Variants in DGKH observed in about 807,000 individuals in gnomAD.
DGKH encodes the protein DAG kinase eta.
In DGKH, 90 loss-of-function variants were observed where a neutral mutation model predicts 159.3. That is an observed-to-expected ratio of 0.57 (90% CI 0.48 to 0.67). The LOEUF is 0.67. DGKH is among the 30% of genes least tolerant of loss of function. The pLI is 0.00. For synonymous variants in DGKH, 536 were observed against 553.8 expected, an observed-to-expected ratio of 0.97 and a Z score of 0.45; for missense variants, 1,181 against 1,506.1, an observed-to-expected ratio of 0.78 and a Z score of 3.57.
intron 14 of DGKH, 143 bp from the exon 15 acceptor site, chr13:42,188,893 C>A: frequency 1.1e-6 from 1 of 906,254 alleles, no homozygotes; most frequent in Non-Finnish European, 1.6e-6. Context: ...ACCAAAACAT[C>A]TACAAAATTA....
intron 1 of DGKH, among the ~76,000 whole-genome samples, chr13:42,118,074 G>A (rs371026985): frequency 6.6e-6 from 1 of 152,080 alleles, no homozygotes; most frequent in Non-Finnish European, 1.5e-5. Context: ...AAAATTAGCC[G>A]GGCGTGTTGG....
At chr13:42,135,565 T>C (rs1322406573) in intron 3 of DGKH, among the ~76,000 whole-genome samples, 1 of 151,596 alleles carries the variant, frequency 6.6e-6, no homozygotes, top group African/African-American at 2.4e-5. Flanking sequence ...AGTTCTACCA[T>C]GGCATTTTCT....
chr13:42,142,935 T>C (rs1234756986), intron 3 of DGKH, among the ~76,000 whole-genome samples: 1 of 152,168 alleles, frequency 6.6e-6, no homozygotes, highest in Non-Finnish European at 1.5e-5. Context: ...AACACTGTGT[T>C]GAATAGGAGT....
chr13:42,203,143 T>C (rs1344248263), intron 20 of DGKH, among the ~76,000 whole-genome samples: 1 of 152,216 alleles, frequency 6.6e-6, no homozygotes, highest in Non-Finnish European at 1.5e-5. Flanking sequence ...TCTGTATTTG[T>C]TTAATTCATT....
chr13:42,069,234 T>C, intron 1 of DGKH: 2 of 1,153,228 alleles, frequency 1.7e-6, no homozygotes, highest in Non-Finnish European at 2.5e-6. Context: ...GTTTTCCTTC[T>C]TAACTTGTTC....
chr13:42,223,213 C>G (rs570427022), intron 29 of DGKH, among the ~76,000 whole-genome samples: 53 of 152,250 alleles, frequency 3.5e-4, no homozygotes, highest in Admixed American at 1.2e-3. Flanking sequence ...TTGTAGCTGT[C>G]AGCAGCGGCA....
intron 1 of DGKH, among the ~76,000 whole-genome samples, chr13:42,061,523 G>T (rs973359791): frequency 1.1e-4 from 17 of 152,164 alleles, no homozygotes; most frequent in Non-Finnish European, 2.9e-5. Context: ...TTTGCTGCAT[G>T]AATCTCTCCT....
Position 42,159,263 on chromosome 13 carries a change from T to TTTTTTTTTTTTTTTTTTTTTTTAA in DGKH, c.623-3_623-2insTTTTTTTTTTTTTTTTTTTTTTAA. The TTTTTTTTTTTTTTTTTTTTTTTAA allele has an allele frequency of 8.0e-7, 1 of 1,249,720 alleles. No individual in the cohort carries two copies. Among genetic ancestry groups the TTTTTTTTTTTTTTTTTTTTTTTAA allele is most frequent in the Non-Finnish European group, 1.1e-6 (1 of 894,574 alleles). The allele number at this position is 1,249,720 out of a possible 1,614,324, so 77.4% of individuals were successfully genotyped here. A position where few individuals can be genotyped will look rare whatever the true frequency, so the allele number is the denominator to read the frequency against. ...GTTGCTCTTTTTTTTTTTTTTTTTT[T>TTTTTTTTTTTTTTTTTTTTTTTAA]AGTGTGTAAATTCAAGGCTCACAAA... On this transcript the variant is annotated splice_polypyrimidine_tract_variant and splice_region_variant and intron_variant, in intron 5 of 29. Transcript: ENST00000337343.
At chr13:42,222,197 A>T (rs1313907299) in intron 29 of DGKH, among the ~76,000 whole-genome samples, 1 of 152,238 alleles carries the variant, frequency 6.6e-6, no homozygotes, top group East Asian at 1.9e-4. Flanking sequence ...TTTTCTTACC[A>T]CATATTGCCA....
At chr13:42,111,348 G>T (rs1408112264) in intron 1 of DGKH, among the ~76,000 whole-genome samples, 2 of 152,170 alleles carry the variant, frequency 1.3e-5, no homozygotes, top group African/African-American at 4.8e-5. Flanking sequence ...TGGGAGGCGA[G>T]GTGGGCAGAT....
At chr13:42,074,964 G>A (rs1028896665) in intron 1 of DGKH, among the ~76,000 whole-genome samples, 1 of 152,182 alleles carries the variant, frequency 6.6e-6, no homozygotes, top group African/African-American at 2.4e-5. Flanking sequence ...GTGGCAATGT[G>A]TAGTAATGGA....
rs149645025 is a variant in DGKH, at chr13:42,189,251, G to A, written c.1854G>A (p.Met618Ile). Residue 618 changes from methionine (M) to isoleucine (I), a missense_variant, in exon 15 of 30, where the codon ATG (methionine) becomes ATA (isoleucine). By Grantham distance (10) the Met-to-Ile change is conservative (BLOSUM62 1). Around this residue, in one of 5 missense-constraint regions of DGKH, gnomAD observed 257 missense variants for 281.5 expected, o/e 0.91. Transcript: ENST00000337343. ...AAGCCGTCAAACCAAGGGAAATCATGTTGCGGGCAAATAGTTTAAAGAAAG... is the reference window on the plus strand; with the variant it reads ...AAGCCGTCAAACCAAGGGAAATCATATTGCGGGCAAATAGTTTAAAGAAAG... ...SQKAVKPREI[M>I]LRANSLKKAV... 6.3e-4 allele frequency: 1,014 copies of A among 1,614,236 alleles called. 11 individuals are homozygous for A. The Admixed American group carries it at 0.015, about 24-fold the overall frequency.
At chr13:42,202,273 G>A (rs1340008248) in intron 20 of DGKH, among the ~76,000 whole-genome samples, 5 of 152,100 alleles carry the variant, frequency 3.3e-5, no homozygotes, top group South Asian at 2.1e-4. Flanking sequence ...TTCTAAAGAC[G>A]ATGGAAGGCC....
chr13:42,162,444 T>C (rs1023563386), intron 7 of DGKH, among the ~76,000 whole-genome samples: 12 of 152,094 alleles, frequency 7.9e-5, no homozygotes, highest in Admixed American at 3.3e-4. Flanking sequence ...ACCTGGGAGT[T>C]GGAGGTTGCA....
chr13:42,196,575 C>T (rs1239596830), intron 17 of DGKH, among the ~76,000 whole-genome samples: 2 of 152,102 alleles, frequency 1.3e-5, no homozygotes, highest in Admixed American at 6.5e-5. Context: ...ATAGTCATAA[C>T]GCATAGAGAC....
chr13:42,153,927 T>C (rs906872329), intron 3 of DGKH: 1 of 152,244 alleles, frequency 6.6e-6, no homozygotes, highest in Non-Finnish European at 1.5e-5. Flanking sequence ...TGAGTGCCTG[T>C]TAGATGTATT....
In DGKH at chr13:42,187,162, CT is replaced by C; in HGVS notation, c.1638+16del. 1 of 1,605,866 alleles carries C rather than the reference CT, an allele frequency of 6.2e-7. No homozygotes were observed. Among genetic ancestry groups the C allele is most frequent in the Non-Finnish European group, 8.5e-7 (1 of 1,172,658 alleles). On this transcript the variant is annotated intron_variant, in intron 14 of 29. Coordinates refer to ENST00000337343, the MANE Select transcript of DGKH (RefSeq NM_178009.5). Reference sequence around the variant, plus strand: ...GTGGCCAGTAAAGTAAGAGGGGACTCTTCAGGGCATGAGAGTTGTTTATGGA... The same window carrying C: ...GTGGCCAGTAAAGTAAGAGGGGACTCTCAGGGCATGAGAGTTGTTTATGGA...
downstream of DGKH, among the ~76,000 whole-genome samples, chr13:42,243,227 T>C (rs1000369056): frequency 2.0e-5 from 3 of 152,200 alleles, no homozygotes; most frequent in East Asian, 3.9e-4. Context: ...TTCTATACTT[T>C]TATCATTTCA....
chr13:42,181,655 A>G, intron 13 of DGKH: 1 of 339,684 alleles, frequency 2.9e-6, no homozygotes. Context: ...GCCCAGCATT[A>G]CTTCCTCTGT....
Sources: gnomAD v4.1 joint callset for allele counts (sites outside exome capture counted in the v4.1 genomes callset) on GRCh38, gnomAD v4.1.1 for gene constraint, gnomAD v4.1.1 regional missense constraint, MANE v1.5 for transcripts, NCBI Gene and HGNC (gene_info 2026-07-23, HGNC 2026-07-21) for gene names.